Variants in CPNE8 observed in about 807,000 individuals in gnomAD.
CPNE8 encodes copine-8.
In CPNE8, 45 loss-of-function variants were observed where a neutral mutation model predicts 81.5. The ratio of observed to expected loss-of-function variants is 0.55; its 90% CI spans 0.44 to 0.71. The LOEUF is 0.71. Among genes scored for constraint, CPNE8 ranks in the 30% least tolerant of loss-of-function variants. CPNE8 has a pLI of 0.00. For missense variants in CPNE8, 594 were observed against 672.1 expected (o/e 0.88, Z 1.28); for synonymous variants, 252 against 226.3 (o/e 1.11, Z -1.02).
intron 6 of CPNE8, among the ~76,000 whole-genome samples, chr12:38,822,548 G>C (rs1158595678): frequency 1.3e-5 from 2 of 152,114 alleles, no homozygotes; most frequent in African/African-American, 4.8e-5. Context: ...AAGTATTGAT[G>C]TTACTTACAA....
At chr12:38,783,008 A>G (rs1325392172) in intron 6 of CPNE8, among the ~76,000 whole-genome samples, 2 of 152,134 alleles carry the variant, frequency 1.3e-5, no homozygotes, top group East Asian at 3.9e-4. Flanking sequence ...ATGCAGTTGA[A>G]ATTATATCAG....
chr12:38,854,656 G>A (rs770342228), intron 3 of CPNE8, among the ~76,000 whole-genome samples: 10 of 151,914 alleles, frequency 6.6e-5, no homozygotes, highest in South Asian at 6.2e-4. Context: ...TTAACAGAAC[G>A]AATTATGAAA....
At chr12:38,841,122 T>C (rs902235767) in intron 4 of CPNE8, among the ~76,000 whole-genome samples, 3 of 152,158 alleles carry the variant, frequency 2.0e-5, no homozygotes, top group South Asian at 4.1e-4. Flanking sequence ...ATTCACTCTC[T>C]AGCAAAGAAT....
intron 19 of CPNE8, among the ~76,000 whole-genome samples, chr12:38,663,205 T>C (rs1938996398): frequency 6.6e-6 from 1 of 151,946 alleles, no homozygotes; most frequent in Admixed American, 6.6e-5. Context: ...AGACAAACTT[T>C]TATTCATCTA....
At chr12:38,779,868 T>C (rs1290215215) in intron 6 of CPNE8, among the ~76,000 whole-genome samples, 1 of 152,096 alleles carries the variant, frequency 6.6e-6, no homozygotes, top group Non-Finnish European at 1.5e-5. Context: ...ATTTATAATA[T>C]ATTTAAAATG....
chr12:38,891,419 T>C (rs1490134340), intron 1 of CPNE8, among the ~76,000 whole-genome samples: 1 of 152,108 alleles, frequency 6.6e-6, no homozygotes, highest in African/African-American at 2.4e-5. Context: ...CAGGCAGGCA[T>C]TTCAGTGTTC....
chr12:38,853,890 T>G (rs917256970), intron 3 of CPNE8, among the ~76,000 whole-genome samples: 1 of 152,068 alleles, frequency 6.6e-6, no homozygotes, highest in African/African-American at 2.4e-5. Flanking sequence ...ATAAAAATGT[T>G]CAGAAAGTTT....
At position 38,806,554 on chromosome 12, in the gene CPNE8, C is replaced by G. The variant is rs542996894; in HGVS notation, c.407+22825G>C. ...AAGCCCTTTGACAAAATTCAACAAC[C>G]CTTCATGCTAAAAACTCTCAATAAA... On this transcript the variant is annotated intron_variant, in intron 6 of 19. Transcript: ENST00000331366. 1.7e-4 allele frequency among the ~76,000 whole-genome samples: 25 copies of G among 149,956 alleles called. 1 individual carries two copies. The highest frequency in any genetic ancestry group is 3.4e-3 in the Middle Eastern group (1 of 294).
intron 3 of CPNE8, among the ~76,000 whole-genome samples, chr12:38,861,735 A>G (rs1943838928): frequency 6.6e-6 from 1 of 152,186 alleles, no homozygotes; most frequent in South Asian, 2.1e-4. Context: ...TCAAATATAA[A>G]GGACACAAAT....
At chr12:38,764,673 G>A (rs370761968) in intron 8 of CPNE8, among the ~76,000 whole-genome samples, 85 of 149,814 alleles carry the variant, frequency 5.7e-4, no homozygotes, top group African/African-American at 1.9e-3. Context: ...ACAGAGGGAA[G>A]GCAGAGCTGT....
intron 3 of CPNE8, among the ~76,000 whole-genome samples, chr12:38,856,963 G>C (rs1488408702): frequency 6.8e-6 from 1 of 146,362 alleles, no homozygotes; most frequent in Non-Finnish European, 1.5e-5. Context: ...GAGTATCAGG[G>C]TTTTTTTTTT....
chr12:38,719,584 G>GAAAAAA (rs34008352), intron 13 of CPNE8, among the ~76,000 whole-genome samples: 34 of 123,960 alleles, frequency 2.7e-4, no homozygotes, highest in East Asian at 6.8e-4. Flanking sequence ...ATTGTCTCAG[G>GAAAAAA]AAAAAAAAAA....
intron 13 of CPNE8, among the ~76,000 whole-genome samples, chr12:38,712,863 A>G (rs962079954): frequency 2.6e-5 from 4 of 152,236 alleles, no homozygotes; most frequent in Non-Finnish European, 5.9e-5. Flanking sequence ...AAATTTGAAT[A>G]CATACTTTTT....
intron 10 of CPNE8, among the ~76,000 whole-genome samples, chr12:38,749,181 C>A (rs888834087): frequency 1.3e-5 from 2 of 152,114 alleles, no homozygotes; most frequent in Admixed American, 6.5e-5. Flanking sequence ...ATGGGAGTCT[C>A]CCTGCACAAG....
intron 4 of CPNE8, among the ~76,000 whole-genome samples, chr12:38,842,638 C>T (rs925273956): frequency 3.7e-5 from 5 of 135,344 alleles, no homozygotes; most frequent in African/African-American, 1.4e-4. Context: ...TGCACTGGTG[C>T]AATCTCAGCT....
intron 6 of CPNE8, among the ~76,000 whole-genome samples, chr12:38,789,184 T>C (rs2136924051): frequency 6.6e-6 from 1 of 151,858 alleles, no homozygotes; most frequent in East Asian, 1.9e-4. Flanking sequence ...AGAAATTACA[T>C]TACCTGACTT....
intron 14 of CPNE8, among the ~76,000 whole-genome samples, chr12:38,696,157 C>G (rs1279817473): frequency 6.6e-6 from 1 of 151,982 alleles, no homozygotes; most frequent in Non-Finnish European, 1.5e-5. Flanking sequence ...AAGATGTTAC[C>G]TATCTCTTTC....
chr12:38,806,858 C>G (rs1339009070), intron 6 of CPNE8, among the ~76,000 whole-genome samples: 1 of 150,676 alleles, frequency 6.6e-6, no homozygotes, highest in Admixed American at 6.6e-5. Context: ...AAAACCCCAT[C>G]GTCTCAGCCC....
intron 6 of CPNE8, among the ~76,000 whole-genome samples, chr12:38,795,232 A>G (rs751918778): frequency 6.6e-5 from 10 of 152,220 alleles, no homozygotes; most frequent in Non-Finnish European, 1.2e-4. Flanking sequence ...GGGTAGGTCA[A>G]TTCTCCATAA....
Sources: gnomAD v4.1 joint callset for allele counts (sites outside exome capture counted in the v4.1 genomes callset) on GRCh38, gnomAD v4.1.1 for gene constraint, MANE v1.5 for transcripts, NCBI Gene and HGNC (gene_info 2026-07-23, HGNC 2026-07-21) for gene names.